ABLIM1: variants seen among roughly 807,000 people sequenced by gnomAD.
ABLIM1 encodes actin-binding LIM protein 1.
A neutral mutation model predicts 107.0 loss-of-function variants in ABLIM1; 40 were observed. The ratio of observed to expected loss-of-function variants is 0.37; its 90% CI spans 0.29 to 0.49. ABLIM1 has a LOEUF of 0.49. ABLIM1 is among the 20% of genes least tolerant of loss of function. The pLI is 0.97. For missense variants in ABLIM1, 857 were observed against 1,008.5 expected (o/e 0.85, Z 2.04); for synonymous variants, 357 against 357.3 (o/e 1.00, Z 0.01).
chr10:114,610,079 T>C (rs2076705527), intron 1 of ABLIM1, among the ~76,000 whole-genome samples: 1 of 152,212 alleles, frequency 6.6e-6, no homozygotes, highest in Non-Finnish European at 1.5e-5. Context: ...CCTGGGTGTA[T>C]GGCTCAGAAC....
In ABLIM1 at chr10:114,436,103, C is replaced by T; in HGVS notation, c.*157G>A. On this transcript the variant is annotated 3_prime_UTR_variant, in exon 23 of 23. Transcript: ENST00000533213. ...CAAGTGTTACTGTTGGCTGGCCCGA[C>T]ATTTGACTCATGGTGTTTTAACCAG... 1.6e-6 allele frequency: 1 copy of T among 607,286 alleles called. No individual in the cohort carries two copies. The highest frequency in any genetic ancestry group is 2.2e-5 in the South Asian group (1 of 46,156). 37.6% of individuals were successfully genotyped at this position (607,286 alleles called of 1,614,324 possible).
intron 6 of ABLIM1, among the ~76,000 whole-genome samples, chr10:114,537,985 T>A (rs1022824874): frequency 1.3e-5 from 2 of 152,228 alleles, no homozygotes; most frequent in Admixed American, 1.3e-4. Context: ...AAAGATTAGA[T>A]GTCATGCAAG....
intron 1 of ABLIM1, among the ~76,000 whole-genome samples, chr10:114,604,107 C>T (rs900814090): frequency 6.6e-6 from 1 of 151,986 alleles, no homozygotes; most frequent in African/African-American, 2.4e-5. Flanking sequence ...TTACATAAGC[C>T]ACTTTATTCT....
At chr10:114,507,909 A>G (rs542503896) in intron 6 of ABLIM1, among the ~76,000 whole-genome samples, 31 of 152,314 alleles carry the variant, frequency 2.0e-4, no homozygotes, top group African/African-American at 5.5e-4. Context: ...AAAGGCATCC[A>G]GGTACTCCAA....
At chr10:114,605,057 G>A (rs545783863) in intron 1 of ABLIM1, among the ~76,000 whole-genome samples, 2 of 152,262 alleles carry the variant, frequency 1.3e-5, no homozygotes, top group East Asian at 3.9e-4. Flanking sequence ...CCACAGACTA[G>A]ACTGTGTTTA....
chr10:114,640,852 T>C (rs1165336277), intron 1 of ABLIM1, among the ~76,000 whole-genome samples: 1 of 152,154 alleles, frequency 6.6e-6, no homozygotes, highest in East Asian at 1.9e-4. Flanking sequence ...AAGCTTTATA[T>C]TTGAGTACCA....
Position 114,473,959 on chromosome 10 carries a change from G to A in ABLIM1, c.1042-3C>T. ...CTTTCCGAGGATGTCCTGGTAGGCT[G>A]TAAAATAAACAGTGACTTGTAAGAC... On this transcript the variant is annotated splice_polypyrimidine_tract_variant and splice_region_variant and intron_variant, in intron 8 of 22. Transcript: ENST00000533213. 1 of 1,612,596 alleles carries A rather than the reference G, an allele frequency of 6.2e-7. No individual in the cohort carries two copies. Among genetic ancestry groups the A allele is most frequent in the South Asian group, 1.1e-5 (1 of 91,022 alleles).
chr10:114,609,909 A>T (rs76187031), intron 1 of ABLIM1, among the ~76,000 whole-genome samples: 1,622 of 152,342 alleles, frequency 0.011, 26 homozygotes, highest in African/African-American at 0.037. Flanking sequence ...AGAGGAGGAA[A>T]CCAAGGCTAA....
chr10:114,636,171 A>C (rs1566152246), intron 1 of ABLIM1, among the ~76,000 whole-genome samples: 1 of 152,158 alleles, frequency 6.6e-6, no homozygotes, highest in African/African-American at 2.4e-5. Flanking sequence ...AGGAAGAGTA[A>C]GGAGGTACGT....
At chr10:114,780,226 G>A in the ABLIM1 span, among the ~76,000 whole-genome samples, 18 of 152,274 alleles carry the variant, frequency 1.2e-4, no homozygotes, top group East Asian at 3.1e-3. Context: ...CATACAGTGG[G>A]ATTCCTGAAA....
chr10:114,686,884 C>T (rs1175617063), upstream of ABLIM1, among the ~76,000 whole-genome samples: 2 of 152,086 alleles, frequency 1.3e-5, no homozygotes, highest in East Asian at 3.9e-4. Flanking sequence ...GCCTCAGCCT[C>T]CCAAAGTGCT....
intron 1 of ABLIM1, among the ~76,000 whole-genome samples, chr10:114,656,750 G>A (rs1317840579): frequency 6.6e-6 from 1 of 152,130 alleles, no homozygotes; most frequent in Non-Finnish European, 1.5e-5. Context: ...CCATAACAAG[G>A]AATAAAGTAC....
At chr10:114,785,981 A>G in the ABLIM1 span, among the ~76,000 whole-genome samples, 1 of 152,196 alleles carries the variant, frequency 6.6e-6, no homozygotes, top group African/African-American at 2.4e-5. Context: ...CACCCGCCTT[A>G]GCCTCCCAAA....
chr10:114,565,665 A>C (rs1816729072), intron 4 of ABLIM1, among the ~76,000 whole-genome samples: 1 of 152,146 alleles, frequency 6.6e-6, no homozygotes, highest in Non-Finnish European at 1.5e-5. Context: ...AGAGAACATA[A>C]AGATAAAAGA....
chr10:114,649,215 A>G (rs2079135646), intron 1 of ABLIM1, among the ~76,000 whole-genome samples: 1 of 151,962 alleles, frequency 6.6e-6, no homozygotes, highest in African/African-American at 2.4e-5. Context: ...TTTGGCCAAC[A>G]TGGTGAAACC....
intron 21 of ABLIM1, among the ~76,000 whole-genome samples, chr10:114,438,891 CG>C (rs1006440301): frequency 2.0e-5 from 3 of 152,174 alleles, no homozygotes; most frequent in Admixed American, 2.0e-4. Flanking sequence ...CACTCAGCAC[CG>C]GATATGCTCT....
chr10:114,684,282 G>T, intron 1 of ABLIM1: 1 of 1,611,886 alleles, frequency 6.2e-7, no homozygotes, highest in African/African-American at 1.3e-5. Context: ...CAAAATGGAC[G>T]GTCTAACCTT....
chr10:114,578,374 C>T (rs1327489544), intron 2 of ABLIM1, among the ~76,000 whole-genome samples: 1 of 151,900 alleles, frequency 6.6e-6, no homozygotes, highest in Non-Finnish European at 1.5e-5. Flanking sequence ...TGTATCCATT[C>T]TCCAACTCTT....
At chr10:114,638,672 C>A (rs1210544862) in intron 1 of ABLIM1, among the ~76,000 whole-genome samples, 1 of 149,324 alleles carries the variant, frequency 6.7e-6, no homozygotes, top group Non-Finnish European at 1.5e-5. Context: ...CACACACAAG[C>A]ATTTCTGTAG....
Sources: gnomAD v4.1 joint callset for allele counts (sites outside exome capture counted in the v4.1 genomes callset) on GRCh38, gnomAD v4.1.1 for gene constraint, MANE v1.5 for transcripts, NCBI Gene and HGNC (gene_info 2026-07-23, HGNC 2026-07-21) for gene names.